HSPBP1: variants seen among roughly 807,000 people sequenced by gnomAD.
HSPBP1 encodes the protein HSPA (Hsp70) binding protein 1, also known as hsp70-binding protein 1.
HSPBP1 carries 31 observed loss-of-function variants against 41.7 expected under a neutral mutation model. The observed-to-expected ratio is 0.74, with a 90% CI of 0.56 to 1.00. HSPBP1 has a LOEUF of 1.00. Ranked by LOEUF, HSPBP1 falls within the 50% of genes least tolerant of loss-of-function variation. The pLI, the probability that HSPBP1 is intolerant of heterozygous loss-of-function variation, is 0.00. For missense variants in HSPBP1, 439 were observed against 487.9 expected (o/e 0.90, Z 0.94); for synonymous variants, 199 against 214.4 (o/e 0.93, Z 0.63).
intron 3 of HSPBP1, among the ~76,000 whole-genome samples, chr19:55,276,498 G>A (rs1034566369): frequency 6.6e-6 from 1 of 152,104 alleles, no homozygotes; most frequent in Non-Finnish European, 1.5e-5. Flanking sequence ...CACAGAGAGC[G>A]CACGAGGCCA....
At position 55,279,469 on chromosome 19, in the gene HSPBP1, C is replaced by A. The variant is rs1334957634; in HGVS notation, c.140G>T (p.Gly47Val). ...CGCGGTGATGGCCATCTGCAGCAAG[C>A]CTTGGAGGTTGCGTGGGGGCCGGGA... ...GNSRPPRNLQ[G>V]LLQMAITAGS... is the part of the protein sequence containing the mutation. Residue 47 changes from glycine (G) to valine (V), a missense_variant, in exon 2 of 8, where the codon GGC becomes GTC. Coordinates refer to ENST00000433386, the MANE Select transcript of HSPBP1 (RefSeq NM_012267.5). 1 of 1,607,784 alleles carries A rather than the reference C, an allele frequency of 6.2e-7. No individual in the cohort carries two copies.
chr19:55,265,486 CT>C (rs1161909369), intron 6 of HSPBP1, 97 bp from the exon 7 acceptor site: 4 of 955,814 alleles, frequency 4.2e-6, no homozygotes, highest in Non-Finnish European at 5.0e-6. Context: ...ACTCAGGAGC[CT>C]GGCAAGTCGC....
At chr19:55,275,177 AC>A (rs1193721880) in intron 3 of HSPBP1, among the ~76,000 whole-genome samples, 1 of 152,172 alleles carries the variant, frequency 6.6e-6, no homozygotes, top group Non-Finnish European at 1.5e-5. Flanking sequence ...CAGGCTCCAG[AC>A]TACTAAATGC....
intron 7 of HSPBP1, among the ~76,000 whole-genome samples, chr19:55,264,983 C>A (rs558297171): frequency 1.3e-5 from 2 of 151,684 alleles, no homozygotes; most frequent in South Asian, 4.2e-4. Flanking sequence ...CCCCTCACAC[C>A]TGGTCCTCCT....
chr19:55,279,840 C>T (rs779033019), intron 1 of HSPBP1, 138 bp from the exon 2 acceptor site: 329 of 952,704 alleles, frequency 3.5e-4, no homozygotes, highest in Non-Finnish European at 4.9e-4. Flanking sequence ...ATAAGCCTCT[C>T]CTTTCTCCCT....
chr19:55,279,217 C>A (rs573369680), intron 2 of HSPBP1, among the ~76,000 whole-genome samples, 182 bp downstream of exon 2: 6 of 152,234 alleles, frequency 3.9e-5, no homozygotes, highest in Non-Finnish European at 8.8e-5. Flanking sequence ...TGAGATCTGA[C>A]CTTCAGTCAA....
At chr19:55,275,937 G>A (rs1246389481) in intron 3 of HSPBP1, among the ~76,000 whole-genome samples, 1 of 145,992 alleles carries the variant, frequency 6.8e-6, no homozygotes, top group Non-Finnish European at 1.5e-5. Context: ...AACAGGGTGA[G>A]ACTCTGTCTC....
At chr19:55,266,312 C>A in intron 4 of HSPBP1, 26 bp from the exon 5 acceptor site, 1 of 1,543,748 alleles carries the variant, frequency 6.5e-7, no homozygotes. Context: ...AGGTCCTGAG[C>A]TTGCAGTCAC....
Position 55,272,635 on chromosome 19 carries a change from G to A in HSPBP1, c.640+1763C>T, listed in dbSNP as rs899192571. On this transcript the variant is annotated intron_variant, in intron 4 of 7. Coordinates refer to ENST00000433386, the MANE Select transcript of HSPBP1 (RefSeq NM_012267.5). The surrounding 1 kb of genome is among the most constrained non-coding windows in gnomAD (Gnocchi z 4.2). ...GCGGGTGGATCACCTGAGGTCAGGA[G>A]GTTGAGACCAGCCTGGCCAACAGGG... Among the ~76,000 whole-genome samples the A allele has an allele frequency of 2.6e-5, 4 of 152,120 alleles. No individual in the cohort carries two copies. Among genetic ancestry groups the A allele is most frequent in the African/African-American group, 9.7e-5 (4 of 41,438 alleles).
At chr19:55,266,571 C>CATCACT (rs2087795910) in intron 4 of HSPBP1, among the ~76,000 whole-genome samples, 1 of 151,498 alleles carries the variant, frequency 6.6e-6, no homozygotes, top group African/African-American at 2.4e-5. Context: ...TCACTATCAC[C>CATCACT]ATCACTATCA....
At chr19:55,273,224 G>T (rs917984127) in intron 4 of HSPBP1, among the ~76,000 whole-genome samples, 1 of 152,064 alleles carries the variant, frequency 6.6e-6, no homozygotes, top group Non-Finnish European at 1.5e-5. Flanking sequence ...TCCTGGGCTC[G>T]AGCAATTCTC....
intron 4 of HSPBP1, among the ~76,000 whole-genome samples, chr19:55,271,481 G>A (rs1468268044): frequency 1.3e-5 from 2 of 152,150 alleles, no homozygotes; most frequent in Non-Finnish European, 1.5e-5. Flanking sequence ...CTTTGTGGCC[G>A]AGCTGCCCCA....
intron 2 of HSPBP1, 49 bp from the exon 3 acceptor site, chr19:55,277,895 T>C: frequency 7.1e-7 from 1 of 1,414,684 alleles, no homozygotes; most frequent in African/African-American, 1.4e-5. Context: ...AGTCATTCAT[T>C]ACAAAGGAAC....
At chr19:55,278,045 G>A (rs2088123906) in intron 2 of HSPBP1, among the ~76,000 whole-genome samples, 199 bp from the exon 3 acceptor site, 1 of 152,284 alleles carries the variant, frequency 6.6e-6, no homozygotes, top group Non-Finnish European at 1.5e-5. Context: ...TCAGGAGTTT[G>A]AGACCAGCCT....
At chr19:55,269,091 G>A (rs1436274152) in intron 4 of HSPBP1, among the ~76,000 whole-genome samples, 1 of 152,080 alleles carries the variant, frequency 6.6e-6, no homozygotes, top group Non-Finnish European at 1.5e-5. Context: ...ATGTACCCAG[G>A]AGAGACCTGT....
intron 4 of HSPBP1, among the ~76,000 whole-genome samples, chr19:55,273,132 G>A (rs968313181): frequency 1.3e-5 from 2 of 152,134 alleles, no homozygotes; most frequent in Admixed American, 6.5e-5. Context: ...TGGAGGTACA[G>A]TCACGCACCA....
chr19:55,276,350 G>C (rs2088072395), intron 3 of HSPBP1, among the ~76,000 whole-genome samples: 1 of 152,124 alleles, frequency 6.6e-6, no homozygotes, highest in African/African-American at 2.4e-5. Context: ...AATAGAGGTG[G>C]TGTTGCACAA....
rs2087838935 is a variant in HSPBP1 at position 55,268,332 on chromosome 19, A to C, written c.641-2046T>G. Reference sequence around the variant, plus strand: ...GTAATCCCAGCTACTAGGGAGGCTGAGGCAGGAGAATCATTTGAACCCGGG... The same window carrying C: ...GTAATCCCAGCTACTAGGGAGGCTGCGGCAGGAGAATCATTTGAACCCGGG... On this transcript the variant is annotated intron_variant, in intron 4 of 7. Transcript: ENST00000433386. This position sits in a 1 kb window ranked among gnomAD's most constrained non-coding sequence, Gnocchi z 4.5. Among the ~76,000 whole-genome samples the C allele has an allele frequency of 6.6e-6, 1 of 152,156 alleles. No individual in the cohort carries two copies. Among genetic ancestry groups the C allele is most frequent in the Non-Finnish European group, 1.5e-5 (1 of 68,030 alleles).
At position 55,265,991 on chromosome 19, in the gene HSPBP1, AG is replaced by A. The variant is rs2087764415; in HGVS notation, c.797-10del. 6.3e-7 allele frequency: 1 copy of A among 1,590,956 alleles called. No individual in the cohort carries two copies. The highest frequency in any genetic ancestry group is 1.1e-5 in the South Asian group (1 of 87,986). The stretch of plus-strand genomic sequence containing the variant: ...CATGGAGCACAGGGTCCCTGGGGGG[AG>A]GGCTGCAGGGGTCAGAGGGGCAGCC... On this transcript the variant is annotated splice_polypyrimidine_tract_variant and intron_variant, in intron 5 of 7. Coordinates refer to ENST00000433386, the MANE Select transcript of HSPBP1 (RefSeq NM_012267.5).
Sources: gnomAD v4.1 joint callset for allele counts (sites outside exome capture counted in the v4.1 genomes callset) on GRCh38, gnomAD v4.1.1 for gene constraint, Gnocchi (gnomAD v3.1) non-coding constraint, MANE v1.5 for transcripts, NCBI Gene and HGNC (gene_info 2026-07-23, HGNC 2026-07-21) for gene names.